Variants in SLC17A1 observed in about 807,000 individuals in gnomAD.
SLC17A1 encodes the protein sodium-dependent phosphate transport protein 1.
In SLC17A1, 51 loss-of-function variants were observed where a neutral mutation model predicts 53.5. The ratio of observed to expected loss-of-function variants is 0.95; its 90% CI spans 0.76 to 1.20. The LOEUF (loss-of-function observed/expected upper bound fraction) is 1.20. SLC17A1 is among the 50% of genes most tolerant of loss of function. The pLI, the probability that SLC17A1 is intolerant of heterozygous loss-of-function variation, is 0.00. For synonymous variants in SLC17A1, 179 were observed against 198.8 expected (o/e 0.90, Z 0.84); for missense variants, 538 against 568.2 (o/e 0.95, Z 0.54).
At chr6:25,732,593 G>T in the SLC17A1 span, 12 of 920,270 alleles carry the variant, frequency 1.3e-5, no homozygotes, top group African/African-American at 3.3e-5. Context: ...ACCTGCCGGC[G>T]GTTCTGGAGT....
the SLC17A1 span, among the ~76,000 whole-genome samples, chr6:25,772,266 A>T: frequency 1.3e-5 from 2 of 152,186 alleles, no homozygotes; most frequent in South Asian, 4.1e-4. Context: ...AACTCACTAA[A>T]TATTTGTTGA....
chr6:25,769,469 A>G, the SLC17A1 span, among the ~76,000 whole-genome samples: 1 of 151,974 alleles, frequency 6.6e-6, no homozygotes, highest in Non-Finnish European at 1.5e-5. Context: ...GAGACAGAAG[A>G]ATCTCTTGAA....
rs1764529211 is a variant in SLC17A1, at chr6:25,820,804, C to G, written c.208-889G>C. 2.0e-5 allele frequency among the ~76,000 whole-genome samples: 3 copies of G among 146,806 alleles called. 1 individual carries two copies. In the South Asian group the frequency reaches 6.3e-4, roughly 31 times the overall value. On this transcript the variant is annotated intron_variant, in intron 3 of 12. Transcript: ENST00000244527. ...GTCCCAGCTACTCGGGAGGCTGAGG[C>G]AGGAGAATGGCGTGAACCTGGGAGG...
At chr6:25,725,694 A>G in the SLC17A1 span, among the ~76,000 whole-genome samples, 1 of 151,966 alleles carries the variant, frequency 6.6e-6, no homozygotes, top group African/African-American at 2.4e-5. Flanking sequence ...CGCCTCCCGG[A>G]CTCATGAACA....
the SLC17A1 span, among the ~76,000 whole-genome samples, chr6:25,758,129 G>C: frequency 1.3e-5 from 2 of 152,148 alleles, no homozygotes; most frequent in East Asian, 3.8e-4. Flanking sequence ...CATGCCCTTA[G>C]ATTCTGAGGC....
chr6:25,787,326 TAA>T (rs59569607), intron 12 of SLC17A1, among the ~76,000 whole-genome samples: 3 of 147,122 alleles, frequency 2.0e-5, no homozygotes, highest in Non-Finnish European at 1.5e-5. Context: ...ATCTCTACTT[TAA>T]AAAAAAAAAA....
chr6:25,795,715 A>G (rs1354272844), intron 12 of SLC17A1, among the ~76,000 whole-genome samples: 8 of 149,922 alleles, frequency 5.3e-5, no homozygotes, highest in African/African-American at 9.9e-5. Flanking sequence ...AGGCAATGCA[A>G]AAGTATTCCA....
At chr6:25,783,712 C>A (rs936780654) in intron 12 of SLC17A1, among the ~76,000 whole-genome samples, 5 of 152,028 alleles carry the variant, frequency 3.3e-5, no homozygotes, top group African/African-American at 1.2e-4. Context: ...GTACTGTTAC[C>A]AAATTCCCAT....
At chr6:25,769,671 G>T in the SLC17A1 span, among the ~76,000 whole-genome samples, 331 of 152,188 alleles carry the variant, frequency 2.2e-3, no homozygotes, top group African/African-American at 7.4e-3. Context: ...GACTAAGTTA[G>T]AATAAATGAA....
chr6:25,771,088 C>A, the SLC17A1 span: 1 of 1,177,114 alleles, frequency 8.5e-7, no homozygotes, highest in East Asian at 2.3e-5. Context: ...TTAACCAAAT[C>A]CTAATAGATA....
At position 25,811,716 on chromosome 6, in the gene SLC17A1, C is replaced by T; in HGVS notation, c.952G>A (p.Ala318Thr). The change falls in exon 9 of 13, where the codon GCA (alanine) becomes ACA (threonine). Residue 318 changes from alanine to threonine, a missense_variant. By Grantham distance (58) the Ala-to-Thr change is moderately conservative. Transcript: ENST00000244527. ...YLFAWICGNL[A>T]GQLSDFFLTR... The stretch of plus-strand genomic sequence containing the variant: ...AGGAAGAAGTCTGATAACTGACCTG[C>T]TAGGTTACCACAGATCCAGGCAAAC... The T allele has an allele frequency of 6.2e-7, 1 of 1,613,702 alleles. No individual in the cohort carries two copies. Among genetic ancestry groups the T allele is most frequent in the Non-Finnish European group, 8.5e-7 (1 of 1,179,702 alleles).
intron 12 of SLC17A1, among the ~76,000 whole-genome samples, chr6:25,787,773 A>T (rs1763415636): frequency 6.6e-6 from 1 of 152,198 alleles, no homozygotes; most frequent in South Asian, 2.1e-4. Context: ...GGCTCACCAA[A>T]GAATACATCC....
At chr6:25,769,133 G>A in the SLC17A1 span, 2 of 1,614,002 alleles carry the variant, frequency 1.2e-6, no homozygotes, top group East Asian at 4.5e-5. Context: ...CCACAGAACG[G>A]CCCTCCACTG....
At chr6:25,733,818 G>GTA in the SLC17A1 span, among the ~76,000 whole-genome samples, 1 of 151,164 alleles carries the variant, frequency 6.6e-6, no homozygotes, top group African/African-American at 2.4e-5. Flanking sequence ...GTGTGTGTGT[G>GTA]TGTGTGTGTG....
the SLC17A1 span, chr6:25,771,019 G>A: frequency 6.2e-7 from 1 of 1,611,268 alleles, no homozygotes; most frequent in Non-Finnish European, 8.5e-7. Flanking sequence ...TTTGGTGAGT[G>A]TGCTTTTCAA....
At chr6:25,773,445 G>A in the SLC17A1 span, 1 of 1,612,740 alleles carries the variant, frequency 6.2e-7, no homozygotes, top group South Asian at 1.1e-5. Flanking sequence ...AGACGTCTGA[G>A]AGATGAAGAA....
the SLC17A1 span, chr6:25,727,296 T>G: frequency 1.9e-6 from 3 of 1,583,362 alleles, no homozygotes; most frequent in African/African-American, 2.7e-5. Flanking sequence ...CAAGTAAGCC[T>G]GCTAAGTAAA....
In SLC17A1 at chr6:25,798,887, G is replaced by C; in HGVS notation, c.1302C>G (p.Ile434Met). 1 of 1,601,922 alleles carries C rather than the reference G, an allele frequency of 6.2e-7. No individual in the cohort carries two copies. The highest frequency in any genetic ancestry group is 8.5e-7 in the Non-Finnish European group (1 of 1,171,638). ...CAGTCACATTAATGGCTGCCATCAG[G>C]ATGAAGGTTTTAAACCAGGCGGATT... ...DPESAWFKTF[I>M]LMAAINVTGL... Residue 434 changes from isoleucine to methionine, a missense_variant, in exon 12 of 13, where the codon ATC (isoleucine) becomes ATG (methionine). Coordinates refer to ENST00000244527, the MANE Select transcript of SLC17A1 (RefSeq NM_005074.5).
intron 12 of SLC17A1, among the ~76,000 whole-genome samples, chr6:25,791,708 T>C (rs1220591709): frequency 6.6e-6 from 1 of 152,236 alleles, no homozygotes; most frequent in Admixed American, 6.5e-5. Context: ...CCAAAGCTGC[T>C]GAATGCTTTA....
Sources: allele counts gnomAD v4.1 joint callset (sites outside exome capture counted in the v4.1 genomes callset), GRCh38; gene constraint gnomAD v4.1.1; transcripts MANE v1.5; gene names NCBI Gene and HGNC (gene_info 2026-07-23, HGNC 2026-07-21).